Variants in PRAMEF15 observed in about 807,000 individuals in gnomAD.
PRAMEF15 encodes the protein PRAME family member 15, also known as PRAME family member 9/15.
A neutral mutation model predicts 35.3 loss-of-function variants in PRAMEF15; 21 were observed. The ratio of observed to expected loss-of-function variants is 0.59; its 90% CI spans 0.42 to 0.86. The LOEUF (loss-of-function observed/expected upper bound fraction) is 0.86, where lower values mean the gene tolerates loss of function less well. Ranked by LOEUF, PRAMEF15 falls within the 40% of genes least tolerant of loss-of-function variation. The pLI, the probability that PRAMEF15 is intolerant of heterozygous loss-of-function variation, is 0.00. For synonymous variants in PRAMEF15, 122 were observed against 223.3 expected (o/e 0.55, Z 4.05); for missense variants, 360 against 574.1 (o/e 0.63, Z 3.81).
intron 1 of PRAMEF15, among the ~76,000 whole-genome samples, chr1:13,318,019 T>A (rs2100317694): frequency 6.6e-6 from 1 of 152,198 alleles, no homozygotes; most frequent in Admixed American, 6.6e-5. Flanking sequence ...TTGTAGGAAC[T>A]GAAAATGTGG....
chr1:13,320,922 C>A (rs1411582696), intron 3 of PRAMEF15, among the ~76,000 whole-genome samples: 1 of 152,026 alleles, frequency 6.6e-6, no homozygotes, highest in Non-Finnish European at 1.5e-5. Context: ...CTAGGCAATG[C>A]ATGATTCTGA....
chr1:13,317,896 GGGAAAGAA>G (rs1462334880), intron 1 of PRAMEF15, among the ~76,000 whole-genome samples: 1 of 150,202 alleles, frequency 6.7e-6, no homozygotes, highest in East Asian at 1.9e-4. Context: ...GAGGGAGAGA[GGGAAAGAA>G]GGAAAGAAGA....
At chr1:13,321,127 G>A (rs1475765098) in intron 3 of PRAMEF15, among the ~76,000 whole-genome samples, 3 of 151,418 alleles carry the variant, frequency 2.0e-5, no homozygotes, top group African/African-American at 2.4e-5. Context: ...CCTGACAGAT[G>A]AGGAAAGGGA....
intron 3 of PRAMEF15, among the ~76,000 whole-genome samples, chr1:13,320,605 G>C (rs1439003783): frequency 2.0e-5 from 3 of 152,016 alleles, no homozygotes; most frequent in Admixed American, 1.3e-4. Context: ...TATATTTTAA[G>C]TAGAGACAGG....
chr1:13,316,695 G>A (rs1210777199), intron 1 of PRAMEF15, among the ~76,000 whole-genome samples: 9 of 151,826 alleles, frequency 5.9e-5, no homozygotes, highest in Non-Finnish European at 1.0e-4. Flanking sequence ...GTGATCATGG[G>A]TTACATGAAG....
rs1640035882 is a variant in PRAMEF15, at chr1:13,318,514, A to T, written c.107A>T (p.Glu36Val). The T allele has an allele frequency of 6.2e-7, 1 of 1,613,914 alleles. No homozygotes were observed. Among genetic ancestry groups the T allele is most frequent in the African/African-American group, 1.3e-5 (1 of 74,884 alleles). ...TCCACCCTGGAGGAGCTGCCCACAG[A>T]ACTTTTCCCCCCACTGTTCATGGAG... The part of the protein sequence containing the change: ...AMSTLEELPT[E>V]LFPPLFMEAF... The change falls in exon 2 of 4, where the codon GAA (glutamate) becomes GTA (valine). Residue 36 changes from glutamate (E) to valine (V), a missense_variant. Transcript: ENST00000376152.
chr1:13,319,434 C>G lies in PRAMEF15; in HGVS notation c.356C>G (p.Ser119Cys), dbSNP rs1640051473. ...TGTGAGAACTTCTGGATGGTTTGGT[C>G]TGAAGCTATGGCCCATGGGTGCTTC... ...DVCENFWMVW[S>C]EAMAHGCFLN... The change falls in exon 3 of 4, where the codon TCT becomes TGT. Residue 119 changes from serine to cysteine, a missense_variant. Coordinates refer to ENST00000376152, the MANE Select transcript of PRAMEF15 (RefSeq NM_001098376.3). 3.1e-6 allele frequency: 5 copies of G among 1,612,974 alleles called. No homozygotes were observed. The highest frequency in any genetic ancestry group is 4.2e-6 in the Non-Finnish European group (5 of 1,179,836).
chr1:13,320,083 T>G (rs1174082426), intron 3 of PRAMEF15, 130 bp downstream of exon 3: 10 of 1,570,270 alleles, frequency 6.4e-6, no homozygotes, highest in Non-Finnish European at 7.7e-6. Context: ...GTCCATGCAT[T>G]GTCCTGTTGG....
In PRAMEF15 at chr1:13,322,095, G is replaced by A. The variant is rs1468962098; in HGVS notation, c.1268G>A (p.Gly423Asp). The A allele has an allele frequency of 1.2e-4, 201 of 1,609,494 alleles. 2 individuals carry two copies. In the African/African-American group the frequency reaches 2.0e-3, roughly 16 times the overall value. Reference sequence around the variant, plus strand: ...TATCCTGCCCCCCGAGAGAGTTATGGTGCTGATGGTACTCTCTGCTGGAGC... The same window carrying A: ...TATCCTGCCCCCCGAGAGAGTTATGATGCTGATGGTACTCTCTGCTGGAGC... Reference protein sequence around the residue: ...ELYPAPRESYGADGTLCWSRF... With the variant: ...ELYPAPRESYDADGTLCWSRF... Residue 423 changes from glycine (G) to aspartate (D), a missense_variant, in exon 4 of 4, where the codon GGT becomes GAT. By Grantham distance (94) the Gly-to-Asp change is moderately conservative. Transcript: ENST00000376152.
chr1:13,317,401 A>T (rs2797721), intron 1 of PRAMEF15, among the ~76,000 whole-genome samples: 7,065 of 150,628 alleles, frequency 0.047, 291 homozygotes, highest in East Asian at 0.2. Context: ...GTGTAACAGG[A>T]GTGCATTGGA....
At chr1:13,320,638 A>G (rs1446678653) in intron 3 of PRAMEF15, among the ~76,000 whole-genome samples, 1 of 151,972 alleles carries the variant, frequency 6.6e-6, no homozygotes, top group Non-Finnish European at 1.5e-5. Context: ...TGGCCAGGTT[A>G]TTCTCCAACT....
At chr1:13,320,441 G>C (rs1176008449) in intron 3 of PRAMEF15, among the ~76,000 whole-genome samples, 1 of 151,430 alleles carries the variant, frequency 6.6e-6, no homozygotes, top group African/African-American at 2.4e-5. Context: ...TTTTTTTTCT[G>C]AGATGGAGTT....
chr1:13,322,155 G>C lies in PRAMEF15; in HGVS notation c.1328G>C (p.Arg443Thr), dbSNP rs2100327822. The change falls in exon 4 of 4, where the codon AGA (arginine) becomes ACA (threonine). Residue 443 changes from arginine (R) to threonine (T), a missense_variant. Physicochemically the swap from Arg to Thr is moderately conservative, Grantham distance 71 (BLOSUM62 -1). Transcript: ENST00000376152. ...CAAATTAGGGCTGAGCTGATGAACA[G>C]AGTGAGGGACTTAAGGCACCCCAAG... ...FAQIRAELMN[R>T]VRDLRHPKRI... 13 of 1,609,592 alleles carry C rather than the reference G, an allele frequency of 8.1e-6. 1 individual carries two copies. In the East Asian group the frequency reaches 2.7e-4, roughly 34 times the overall value.
chr1:13,318,334 A>C lies in PRAMEF15; in HGVS notation c.-16-58A>C, dbSNP rs1419060767. 1.9e-6 allele frequency: 3 copies of C among 1,580,322 alleles called. No individual in the cohort carries two copies. In the African/African-American group the frequency reaches 4.1e-5, roughly 21 times the overall value. ...GTGAGTTTGGCCATAGGAGAAGATG[A>C]GATTGCATGGGCTTGGCCTGAGAGT... is the stretch of plus-strand genomic sequence containing the variant. On this transcript the variant is annotated intron_variant, in intron 1 of 3. Coordinates refer to ENST00000376152, the MANE Select transcript of PRAMEF15 (RefSeq NM_001098376.3).
intron 1 of PRAMEF15, among the ~76,000 whole-genome samples, chr1:13,318,025 T>C (rs1640029329): frequency 2.0e-5 from 3 of 152,088 alleles, no homozygotes; most frequent in East Asian, 3.9e-4. Flanking sequence ...GAACTGAAAA[T>C]GTGGGCATGT....
Position 13,318,472 on chromosome 1 carries a change from A to T in PRAMEF15, c.65A>T (p.Asp22Val), listed in dbSNP as rs1279927479. The T allele has an allele frequency of 4.3e-6, 7 of 1,613,948 alleles. No homozygotes were observed. The African/African-American group carries it at 8.0e-5, about 18-fold the overall frequency. ...CTTGCAGGGCGGAGCCTGCTGAGGG[A>T]CCAAGCTTTGGCCATGTCCACCCTG... is the stretch of plus-strand genomic sequence containing the variant. ...LELAGRSLLR[D>V]QALAMSTLEE... The change falls in exon 2 of 4, where the codon GAC becomes GTC. Residue 22 changes from aspartate (D) to valine (V), a missense_variant. Around this residue, in one of 8 missense-constraint regions of PRAMEF15, gnomAD observed 31 missense variants for 46.4 expected, o/e 0.67. Coordinates refer to ENST00000376152, the MANE Select transcript of PRAMEF15 (RefSeq NM_001098376.3).
At chr1:13,320,483 G>C (rs1416284040) in intron 3 of PRAMEF15, among the ~76,000 whole-genome samples, 4 of 152,040 alleles carry the variant, frequency 2.6e-5, no homozygotes, top group South Asian at 2.1e-4. Flanking sequence ...CAGTGCAGTT[G>C]TGACATCTCA....
rs1232593590 is a variant in PRAMEF15, at chr1:13,321,923, G to C, written c.1096G>C (p.Asp366His). ...GGATTTAGATGACTGTGGCATCATA[G>C]ACTCCCAAGTCAACGCCATCCTGCC... Reference protein sequence around the residue: ...YLDLDDCGIIDSQVNAILPAL... With the variant: ...YLDLDDCGIIHSQVNAILPAL... The change falls in exon 4 of 4, where the codon GAC becomes CAC. Residue 366 changes from aspartate to histidine, a missense_variant. Transcript: ENST00000376152. The C allele has an allele frequency of 6.2e-7, 1 of 1,610,844 alleles. No homozygotes were observed. The highest frequency in any genetic ancestry group is 1.3e-5 in the African/African-American group (1 of 74,446).
At position 13,322,475 on chromosome 1, in the gene PRAMEF15, G is replaced by C; in HGVS notation, c.*211G>C. On this transcript the variant is annotated 3_prime_UTR_variant, in exon 4 of 4. Transcript: ENST00000376152. The stretch of plus-strand genomic sequence containing the variant: ...ATGGGACTTTGGGGACCTGTGTCCT[G>C]TAGATTCGAAAATGGGAATCTGAAT... 1 of 818,792 alleles carries C rather than the reference G, an allele frequency of 1.2e-6. No homozygotes were observed. Among genetic ancestry groups the C allele is most frequent in the South Asian group, 1.9e-5 (1 of 53,656 alleles). The allele number at this position is 818,792 out of a possible 1,614,324, so 50.7% of individuals were successfully genotyped here.
Sources: allele counts gnomAD v4.1 joint callset (sites outside exome capture counted in the v4.1 genomes callset), GRCh38; gene constraint gnomAD v4.1.1; regional missense constraint gnomAD v4.1.1; transcripts MANE v1.5; gene names NCBI Gene and HGNC (gene_info 2026-07-23, HGNC 2026-07-21).